IFNG: variants seen among roughly 807,000 people sequenced by gnomAD.
IFNG encodes the protein interferon gamma, also known as IFN-gamma.
In IFNG, 8 loss-of-function variants were observed where a neutral mutation model predicts 14.4. The observed-to-expected ratio is 0.56, with a 90% confidence interval of 0.33 to 1.00. The LOEUF (loss-of-function observed/expected upper bound fraction) is 1.00, where lower values mean the gene tolerates loss of function less well. Ranked by LOEUF, IFNG falls within the 50% of genes least tolerant of loss-of-function variation. IFNG has a pLI of 0.03. For synonymous variants in IFNG, 73 were observed against 65.4 expected, an observed-to-expected ratio of 1.12 and a Z score of -0.56; for missense variants, 132 against 194.9, an observed-to-expected ratio of 0.68 and a Z score of 1.92.
rs1882631408 is a variant in IFNG at position 68,158,243 on chromosome 12, T to C, written c.131A>G (p.Asp44Gly). Residue 44 changes from aspartate (D) to glycine (G), a missense_variant, in exon 2 of 4, where the codon GAT becomes GGT. Coordinates refer to ENST00000229135, the MANE Select transcript of IFNG (RefSeq NM_000619.3). ...LKKYFNAGHS[D>G]VADNGTLFLG... The stretch of plus-strand genomic sequence containing the variant: ...GAAAAGAGTTCCATTATCCGCTACA[T>C]CTGAATGACCTGCATTCTAAAAAAA... 6.3e-7 allele frequency: 1 copy of C among 1,597,666 alleles called. No individual in the cohort carries two copies. The highest frequency in any genetic ancestry group is 8.5e-7 in the Non-Finnish European group (1 of 1,173,972).
At chr12:68,156,670 G>A (rs1209055361) in intron 3 of IFNG, among the ~76,000 whole-genome samples, 1 of 152,024 alleles carries the variant, frequency 6.6e-6, no homozygotes, top group East Asian at 1.9e-4. Flanking sequence ...CTGCAGAGTA[G>A]AAAAAATTTT....
chr12:68,156,810 G>A (rs1001476793), intron 3 of IFNG, among the ~76,000 whole-genome samples: 1 of 152,102 alleles, frequency 6.6e-6, no homozygotes, highest in Non-Finnish European at 1.5e-5. Flanking sequence ...CAAGTGCTGA[G>A]TGTCTAGTTT....
In IFNG at chr12:68,155,353, T is replaced by C; in HGVS notation, c.501A>G (p.Ter167=). Reference sequence around the variant, plus strand: ...TCAAATATTGCAGGCAGGACAACCATTACTGGGATGCTCTTCGACCTCGAA... The same window carrying C: ...TCAAATATTGCAGGCAGGACAACCACTACTGGGATGCTCTTCGACCTCGAA... The part of the protein sequence containing the change: ...MLFRGRRASQ[*] The change falls in exon 4 of 4, where the codon TAA becomes TAG. Residue 167 remains the stop codon, a stop_retained_variant. Transcript: ENST00000229135. The C allele has an allele frequency of 6.2e-7, 1 of 1,604,296 alleles. No homozygotes were observed. The highest frequency in any genetic ancestry group is 8.5e-7 in the Non-Finnish European group (1 of 1,174,756).
Position 68,155,381 on chromosome 12 carries a change from A to G in IFNG, c.473T>C (p.Leu158Pro). ...CTGGGATGCTCTTCGACCTCGAAAC[A>G]GCATCTGACTCCTTTTTCGCTTCCC... is the stretch of plus-strand genomic sequence containing the variant. ...KTGKRKRSQM[L>P]FRGRRASQ Residue 158 changes from leucine (L) to proline (P), a missense_variant, in exon 4 of 4, where the codon CTG (leucine) becomes CCG (proline). Physicochemically the swap from Leu to Pro is moderately conservative, Grantham distance 98. Transcript: ENST00000229135. 6.2e-7 allele frequency: 1 copy of G among 1,610,608 alleles called. No homozygotes were observed. The highest frequency in any genetic ancestry group is 1.1e-5 in the South Asian group (1 of 90,630).
chr12:68,155,375 C>T lies in IFNG; in HGVS notation c.479G>A (p.Arg160Gln), dbSNP rs201359065. 1.9e-5 allele frequency: 30 copies of T among 1,609,678 alleles called. No homozygotes were observed. In the East Asian group the frequency reaches 4.3e-4, roughly 23 times the overall value. The change falls in exon 4 of 4, where the codon CGA becomes CAA. Residue 160 changes from arginine to glutamine, a missense_variant. Physicochemically the swap from Arg to Gln is conservative, Grantham distance 43 (BLOSUM62 1). Coordinates refer to ENST00000229135, the MANE Select transcript of IFNG (RefSeq NM_000619.3). ...GKRKRSQMLF[R>Q]GRRASQ Reference sequence around the variant, plus strand: ...CCATTACTGGGATGCTCTTCGACCTCGAAACAGCATCTGACTCCTTTTTCG... The same window carrying T: ...CCATTACTGGGATGCTCTTCGACCTTGAAACAGCATCTGACTCCTTTTTCG...
intron 1 of IFNG, 146 bp from the exon 2 acceptor site, chr12:68,158,405 C>T (rs1882634691): frequency 3.4e-6 from 2 of 596,794 alleles, no homozygotes; most frequent in Admixed American, 3.2e-5. Context: ...ATAAGTATTC[C>T]CAAAAGGCTT....
intron 3 of IFNG, among the ~76,000 whole-genome samples, chr12:68,156,244 A>G (rs779083236): frequency 5.3e-5 from 8 of 152,258 alleles, no homozygotes; most frequent in Non-Finnish European, 7.3e-5. Flanking sequence ...TCATATTTAT[A>G]TATGGCTTAC....
intron 3 of IFNG, among the ~76,000 whole-genome samples, chr12:68,156,006 C>T (rs2069719): frequency 0.012 from 1,759 of 152,260 alleles, 37 homozygotes; most frequent in African/African-American, 0.04. Context: ...GGAAACCTGT[C>T]AAAGACCTCA....
At chr12:68,156,359 G>T (rs1882601192) in intron 3 of IFNG, among the ~76,000 whole-genome samples, 1 of 152,084 alleles carries the variant, frequency 6.6e-6, no homozygotes, top group Non-Finnish European at 1.5e-5. Context: ...AACCAATAGG[G>T]CCATTTAGAT....
At chr12:68,156,095 A>G (rs540127618) in intron 3 of IFNG, among the ~76,000 whole-genome samples, 1 of 152,316 alleles carries the variant, frequency 6.6e-6, no homozygotes, top group East Asian at 1.9e-4. Context: ...CATCCACCTA[A>G]GTTTGAGAAC....
Position 68,159,355 on chromosome 12 carries a change from G to A in IFNG, c.114+147C>T, listed in dbSNP as rs1260411099. The stretch of plus-strand genomic sequence containing the variant: ...ACAATATCTAGATTATTTAGTCAAG[G>A]AACTCATCTAGTCAATAATTAACAA... On this transcript the variant is annotated intron_variant, in intron 1 of 3. Transcript: ENST00000229135. 1.1e-5 allele frequency: 6 copies of A among 554,784 alleles called. No homozygotes were observed. In the South Asian group the frequency reaches 1.6e-4, roughly 14 times the overall value. The allele number at this position is 554,784 out of a possible 1,614,324, so 34.4% of individuals were successfully genotyped here.
rs767503659 is a variant in IFNG at position 68,155,400 on chromosome 12, G to A, written c.454C>T (p.Arg152Ter). ...ELSPAAKTGK[R>*]KRSQMLFRGR... ...CGAAACAGCATCTGACTCCTTTTTC[G>A]CTTCCCTGTTTTAGCTGCTGGCGAC... is the stretch of plus-strand genomic sequence containing the variant. Residue 152 changes from arginine to a stop codon, truncating the protein, a stop_gained, in exon 4 of 4, where the codon CGA becomes TGA. Coordinates refer to ENST00000229135, the MANE Select transcript of IFNG (RefSeq NM_000619.3). LOFTEE classifies it high-confidence loss of function. 4.3e-6 allele frequency: 7 copies of A among 1,611,034 alleles called. No homozygotes were observed. Among genetic ancestry groups the A allele is most frequent in the East Asian group, 2.2e-5 (1 of 44,686 alleles).
At chr12:68,157,210 T>C (rs1263950594) in intron 3 of IFNG, among the ~76,000 whole-genome samples, 1 of 152,220 alleles carries the variant, frequency 6.6e-6, no homozygotes, top group Non-Finnish European at 1.5e-5. Context: ...GTATAAATTC[T>C]ATCTATTTTT....
rs1271455192 is a variant in IFNG at position 68,155,056 on chromosome 12, A to C, written c.*297T>G. The C allele has an allele frequency of 5.3e-6, 1 of 188,298 alleles. No homozygotes were observed. Among genetic ancestry groups the C allele is most frequent in the Non-Finnish European group, 1.1e-5 (1 of 92,196 alleles). The allele number at this position is 188,298 out of a possible 1,614,324, so 11.7% of individuals were successfully genotyped here. On this transcript the variant is annotated 3_prime_UTR_variant, in exon 4 of 4. Coordinates refer to ENST00000229135, the MANE Select transcript of IFNG (RefSeq NM_000619.3). ...TTGTATCATCAAGTGAAATAAACAC[A>C]CAACCCATGGGATCTTGCTTAGGTT...
intron 1 of IFNG, among the ~76,000 whole-genome samples, chr12:68,158,628 A>G (rs903143425): frequency 6.6e-6 from 1 of 151,974 alleles, no homozygotes; most frequent in Non-Finnish European, 1.5e-5. Context: ...ACTGCCCCCC[A>G]ATGGTACAGG....
At chr12:68,158,475 C>A (rs1369821312) in intron 1 of IFNG, among the ~76,000 whole-genome samples, 9 of 151,976 alleles carry the variant, frequency 5.9e-5, no homozygotes, top group African/African-American at 2.2e-4. Flanking sequence ...CCAATATAAC[C>A]ATTAAATTGC....
At chr12:68,156,612 A>G (rs568494616) in intron 3 of IFNG, among the ~76,000 whole-genome samples, 1 of 152,340 alleles carries the variant, frequency 6.6e-6, no homozygotes, top group Admixed American at 6.5e-5. Flanking sequence ...TGTAGCTTCC[A>G]GAAGGAAGAA....
intron 1 of IFNG, among the ~76,000 whole-genome samples, chr12:68,159,220 C>T (rs1376803941): frequency 6.6e-6 from 1 of 152,060 alleles, no homozygotes; most frequent in African/African-American, 2.4e-5. Context: ...GAATGAGTTC[C>T]CACCACAAAA....
intron 1 of IFNG, among the ~76,000 whole-genome samples, chr12:68,158,804 CTATAAT>C (rs1192450384): frequency 6.6e-6 from 1 of 151,468 alleles, no homozygotes; most frequent in African/African-American, 2.4e-5. Flanking sequence ...ATTATGACAG[CTATAAT>C]TATAACAGCT....
Sources: gnomAD v4.1 joint callset for allele counts (sites outside exome capture counted in the v4.1 genomes callset) on GRCh38, gnomAD v4.1.1 for gene constraint, MANE v1.5 for transcripts, NCBI Gene and HGNC (gene_info 2026-07-23, HGNC 2026-07-21) for gene names.